Variants in MAP3K7CL observed in about 807,000 individuals in gnomAD.
MAP3K7CL encodes the protein MAP3K7 C-terminal like.
In MAP3K7CL, 16 loss-of-function variants were observed where a neutral mutation model predicts 18.6. The ratio of observed to expected loss-of-function variants is 0.86; its 90% confidence interval spans 0.58 to 1.31. MAP3K7CL has a LOEUF of 1.31. Ranked by LOEUF, MAP3K7CL falls within the 50% of genes most tolerant of loss-of-function variation. The pLI is 0.00. For synonymous variants in MAP3K7CL, 65 were observed against 66.8 expected (o/e 0.97, Z 0.13); for missense variants, 163 against 174.4 (o/e 0.93, Z 0.37).
intron 3 of MAP3K7CL, among the ~76,000 whole-genome samples, chr21:29,159,030 C>T (rs1041946696): frequency 1.1e-4 from 16 of 150,198 alleles, no homozygotes; most frequent in African/African-American, 3.7e-4. Flanking sequence ...AAGCGATTCT[C>T]CTGCTTCAGT....
rs1238319135 is a variant in MAP3K7CL, at chr21:29,116,579, CAG to C, written c.370+24000_370+24001del. Among the ~76,000 whole-genome samples the C allele has an allele frequency of 2.0e-5, 3 of 152,090 alleles. No individual in the cohort carries two copies. In the East Asian group the frequency reaches 5.8e-4, roughly 29 times the overall value. On this transcript the variant is annotated intron_variant, in intron 4 of 6. Coordinates refer to the MAP3K7CL transcript ENST00000286791. ...TATTAAAAATATCTCAGGTCAATGA[CAG>C]ATAAAATTTTCCTAAAGTCTTCCTT...
At chr21:29,124,353 C>CAAAAA (rs59499297) in intron 4 of MAP3K7CL, among the ~76,000 whole-genome samples, 30 of 78,566 alleles carry the variant, frequency 3.8e-4, no homozygotes, top group Admixed American at 4.7e-4. Flanking sequence ...GACTCCGTCT[C>CAAAAA]AAAAAAAAAA....
rs533629956 is a variant in MAP3K7CL, at chr21:29,143,093, C to T, written c.71-6096C>T. Among the ~76,000 whole-genome samples the T allele has an allele frequency of 8.5e-5, 13 of 152,344 alleles. No homozygotes were observed. The South Asian group carries it at 2.5e-3, about 29-fold the overall frequency. On this transcript the variant is annotated intron_variant, in intron 2 of 4. Coordinates refer to ENST00000399928, the MANE Select transcript of MAP3K7CL (RefSeq NM_001286620.2). ...TTACAGGACACCAGCACTCAGAGGT[C>T]ATACTGCAGGTAGAATCAACTTCAT...
intron 1 of MAP3K7CL, among the ~76,000 whole-genome samples, chr21:29,132,091 G>A (rs1432056132): frequency 1.3e-5 from 2 of 152,086 alleles, no homozygotes; most frequent in Non-Finnish European, 2.9e-5. Flanking sequence ...GAGGGTTTAG[G>A]GGAGGTGGGA....
chr21:29,138,129 C>G (rs539830281), intron 2 of MAP3K7CL, among the ~76,000 whole-genome samples: 1 of 152,166 alleles, frequency 6.6e-6, no homozygotes, highest in South Asian at 2.1e-4. Flanking sequence ...ACATGGACCT[C>G]CAGAGGTCCT....
chr21:29,109,578 C>G, intron 4 of MAP3K7CL: 2 of 1,014,520 alleles, frequency 2.0e-6, no homozygotes, highest in South Asian at 8.3e-5. Context: ...GATTTATAAA[C>G]TGCACATTTA....
At chr21:29,091,508 C>G in exon 2 of MAP3K7CL, 1 of 696,758 alleles carries the variant, frequency 1.4e-6, no homozygotes, top group Non-Finnish European at 2.6e-6. Flanking sequence ...CAGCCCCTTG[C>G]TCTGTCACGC....
At chr21:29,137,556 T>C (rs1241369911) in intron 2 of MAP3K7CL, among the ~76,000 whole-genome samples, 2 of 151,998 alleles carry the variant, frequency 1.3e-5, no homozygotes, top group Non-Finnish European at 2.9e-5. Flanking sequence ...GGGCTACATA[T>C]CTTGTAACCA....
At chr21:29,092,157 T>C (rs1168438871) in intron 3 of MAP3K7CL, 1 of 410,430 alleles carries the variant, frequency 2.4e-6, no homozygotes, top group South Asian at 4.6e-5. Context: ...AGAGTTCTTA[T>C]AATCAGCTCT....
At chr21:29,119,662 C>CTTT (rs58443653) in intron 4 of MAP3K7CL, among the ~76,000 whole-genome samples, 10,786 of 135,016 alleles carry the variant, frequency 0.08, 624 homozygotes, top group Non-Finnish European at 0.12. Flanking sequence ...AATCCTAAAA[C>CTTT]TTTTTTTTTT....
chr21:29,099,434 G>A (rs1239453129), intron 4 of MAP3K7CL, among the ~76,000 whole-genome samples: 1 of 151,880 alleles, frequency 6.6e-6, no homozygotes, highest in African/African-American at 2.4e-5. Flanking sequence ...GCATTTAAAG[G>A]AGTTGAAAGA....
intron 4 of MAP3K7CL, among the ~76,000 whole-genome samples, chr21:29,096,171 G>GT (rs2086118348): frequency 6.6e-6 from 1 of 152,172 alleles, no homozygotes. Context: ...AGGAAGTAGG[G>GT]TTGAAAATGT....
upstream of MAP3K7CL, among the ~76,000 whole-genome samples, chr21:29,128,505 T>C (rs529231575): frequency 5.9e-5 from 9 of 151,856 alleles, no homozygotes; most frequent in South Asian, 1.5e-3. Context: ...GGTTTCACCA[T>C]GTTAGCCAGG....
rs948022340 is a variant in MAP3K7CL, at chr21:29,106,992, G to C, written c.370+14411G>C. ...TAGGGCTGACTGCTAAGAGAAGGAA[G>C]ATGGCTGGCATTCAAAGTCTGGGGT... is the stretch of plus-strand genomic sequence containing the variant. On this transcript the variant is annotated intron_variant, in intron 4 of 6. Coordinates refer to the MAP3K7CL transcript ENST00000286791. Among the ~76,000 whole-genome samples, 4 of 152,196 alleles carry C rather than the reference G, an allele frequency of 2.6e-5. No individual in the cohort carries two copies. In the South Asian group the frequency reaches 8.3e-4, roughly 32 times the overall value.
intron 2 of MAP3K7CL, among the ~76,000 whole-genome samples, chr21:29,144,292 G>C (rs1258377029): frequency 6.6e-6 from 1 of 152,162 alleles, no homozygotes; most frequent in Admixed American, 6.5e-5. Context: ...AGCCTCCCGA[G>C]TAGCAGGGAC....
chr21:29,099,699 A>C (rs2086187514), intron 4 of MAP3K7CL, among the ~76,000 whole-genome samples: 1 of 152,150 alleles, frequency 6.6e-6, no homozygotes, highest in Non-Finnish European at 1.5e-5. Context: ...ATATTGCAAC[A>C]TAACAGTTGG....
chr21:29,126,353 G>A (rs1228233195), upstream of MAP3K7CL, among the ~76,000 whole-genome samples: 2 of 152,208 alleles, frequency 1.3e-5, no homozygotes, highest in East Asian at 3.8e-4. Context: ...TCCTATACAT[G>A]TTGTCTATGG....
At chr21:29,161,870 T>C (rs2087557619) in intron 4 of MAP3K7CL, among the ~76,000 whole-genome samples, 2 of 152,182 alleles carry the variant, frequency 1.3e-5, no homozygotes, top group African/African-American at 4.8e-5. Flanking sequence ...AAAACCTCAG[T>C]TAGTACCTTA....
intron 4 of MAP3K7CL, among the ~76,000 whole-genome samples, chr21:29,121,832 G>GA (rs1326607035): frequency 2.6e-5 from 4 of 151,584 alleles, no homozygotes; most frequent in Non-Finnish European, 4.4e-5. Flanking sequence ...TGTGGTTGGG[G>GA]AAAAAAGAGA....
Sources: gnomAD v4.1 joint callset for allele counts (sites outside exome capture counted in the v4.1 genomes callset) on GRCh38, gnomAD v4.1.1 for gene constraint, MANE v1.5 for transcripts, NCBI Gene and HGNC (gene_info 2026-07-23, HGNC 2026-07-21) for gene names.